CLCN6: variants seen among roughly 807,000 people sequenced by gnomAD.
CLCN6 encodes H(+)/Cl(-) exchange transporter 6.
CLCN6 carries 70 observed loss-of-function variants against 109.8 expected under a neutral mutation model. The ratio of observed to expected loss-of-function variants is 0.64; its 90% confidence interval spans 0.53 to 0.78. The LOEUF is 0.78. Among genes scored for constraint, CLCN6 ranks in the 30% least tolerant of loss-of-function variants. CLCN6 has a pLI of 0.00. For synonymous variants in CLCN6, 444 were observed against 447.8 expected (o/e 0.99, Z 0.11); for missense variants, 984 against 1,142.3 (o/e 0.86, Z 2.00).
At chr1:11,839,978 G>A (rs198410) in intron 22 of CLCN6, among the ~76,000 whole-genome samples, 165 bp from the exon 23 acceptor site, 152,341 of 152,380 alleles carry the variant, frequency 1, 76,151 homozygotes, top group Middle Eastern at 1. Flanking sequence ...TTGGCCTCCA[G>A]TGTGTGAGCC....
intron 5 of CLCN6, among the ~76,000 whole-genome samples, chr1:11,822,318 G>C (rs1467947951): frequency 2.0e-5 from 3 of 152,050 alleles, no homozygotes; most frequent in Admixed American, 6.6e-5. Context: ...GAATGCAGTG[G>C]TGCAATGACA....
At chr1:11,821,725 C>T (rs1220973726) in intron 5 of CLCN6, among the ~76,000 whole-genome samples, 1 of 152,148 alleles carries the variant, frequency 6.6e-6, no homozygotes, top group East Asian at 1.9e-4. Flanking sequence ...ATACATTCCT[C>T]TTAGAAATTT....
chr1:11,834,631 A>G lies in CLCN6; in HGVS notation c.1793+41A>G, dbSNP rs1287704006. On this transcript the variant is annotated intron_variant, in intron 17 of 22. Transcript: ENST00000346436. This position sits in a 1 kb window ranked among gnomAD's most constrained non-coding sequence, Gnocchi z 4.5. Reference sequence around the variant, plus strand: ...TGCTCATGTCCTAGTTTCAGAATGTATAAGCTCTGAGGCCTAAGGAATGTT... The same window carrying G: ...TGCTCATGTCCTAGTTTCAGAATGTGTAAGCTCTGAGGCCTAAGGAATGTT... 2 of 1,525,220 alleles carry G rather than the reference A, an allele frequency of 1.3e-6. No homozygotes were observed. The highest frequency in any genetic ancestry group is 3.4e-5 in the Admixed American group (2 of 59,430). The allele number at this position is 1,525,220 out of a possible 1,614,324, so 94.5% of individuals were successfully genotyped here.
At position 11,834,584 on chromosome 1, in the gene CLCN6, T is replaced by G. The variant is rs1485312217; in HGVS notation, c.1787T>G (p.Met596Arg). The change falls in exon 17 of 23, where the codon ATG (methionine) becomes AGG (arginine). Residue 596 changes from methionine (M) to arginine (R), a missense_variant. Met to Arg is a moderately conservative substitution (Grantham distance 91). Transcript: ENST00000346436. This position sits in a 1 kb window ranked among gnomAD's most constrained non-coding sequence, Gnocchi z 4.5. ...PLLEWETEVEMDKLRASDIME... is the reference protein window; with the variant it reads ...PLLEWETEVERDKLRASDIME... ...CTGGAATGGGAGACAGAGGTGGAAA[T>G]GGACAAGTAAGGCCATGATTTTGCT... The G allele has an allele frequency of 6.2e-7, 1 of 1,613,734 alleles. No individual in the cohort carries two copies. The highest frequency in any genetic ancestry group is 2.2e-5 in the East Asian group (1 of 44,876).
chr1:11,835,076 G>A (rs1379256385), intron 17 of CLCN6, among the ~76,000 whole-genome samples: 2 of 152,188 alleles, frequency 1.3e-5, no homozygotes, highest in Non-Finnish European at 2.9e-5. Flanking sequence ...GGGCTAACAC[G>A]GGGGCCAGCA....
In CLCN6 at chr1:11,828,647, C is replaced by T. The variant is rs115875677; in HGVS notation, c.1121+23C>T. 761 of 1,574,048 alleles carry T rather than the reference C, an allele frequency of 4.8e-4. 2 individuals are homozygous for T. The African/African-American group carries it at 9.1e-3, about 19-fold the overall frequency. On this transcript the variant is annotated intron_variant, in intron 12 of 22. Coordinates refer to ENST00000346436, the MANE Select transcript of CLCN6 (RefSeq NM_001286.5). ...CAGGTATCTGCACAGTCGCCTCCCC[C>T]CCGAGCCTGCTGCGGCTCCCTGAGC...
intron 2 of CLCN6, among the ~76,000 whole-genome samples, chr1:11,815,032 CAAAAA>C (rs35753548): frequency 2.4e-5 from 3 of 125,294 alleles, no homozygotes; most frequent in Non-Finnish European, 5.1e-5. Flanking sequence ...GACTCCGTCT[CAAAAA>C]AAAAAAAAAA....
intron 2 of CLCN6, among the ~76,000 whole-genome samples, chr1:11,814,375 G>A (rs190036907): frequency 4.6e-4 from 70 of 150,960 alleles, no homozygotes; most frequent in African/African-American, 1.6e-3. Flanking sequence ...CTAGCCTCCC[G>A]AGTAGCTGGG....
At position 11,834,048 on chromosome 1, in the gene CLCN6, GTGTGTGTGCGCATGTGCA is replaced by G; in HGVS notation, c.1526+28_1526+45del. On this transcript the variant is annotated intron_variant, in intron 15 of 22. Transcript: ENST00000346436. The surrounding 1 kb of genome is among the most constrained non-coding windows in gnomAD (Gnocchi z 4.5). ...CTAAAAAGGTACTCTGTGTGTGTGCGTGTGTGTGCGCATGTGCATGTGTGTGCACGTGTGCGTGTGTAT... is the reference window on the plus strand; with the variant it reads ...CTAAAAAGGTACTCTGTGTGTGTGCGTGTGTGTGCACGTGTGCGTGTGTAT... 2 of 1,612,340 alleles carry G rather than the reference GTGTGTGTGCGCATGTGCA, an allele frequency of 1.2e-6. No individual in the cohort carries two copies. Among genetic ancestry groups the G allele is most frequent in the South Asian group, 1.1e-5 (1 of 90,926 alleles).
chr1:11,807,082 C>A (rs757330818), intron 1 of CLCN6, 49 bp from the exon 2 acceptor site: 2 of 1,505,564 alleles, frequency 1.3e-6, no homozygotes, highest in South Asian at 1.1e-5. Flanking sequence ...CTGCCTCCTT[C>A]CACTCCTAAC....
intron 1 of CLCN6, 169 bp downstream of exon 1, chr1:11,806,518 T>C: frequency 1.9e-6 from 1 of 521,760 alleles, no homozygotes; most frequent in Non-Finnish European, 3.3e-6. Context: ...CGTGCCTAAG[T>C]CTGGGGTCTT....
intron 2 of CLCN6, among the ~76,000 whole-genome samples, chr1:11,808,869 T>A (rs1315794041): frequency 6.6e-6 from 1 of 152,024 alleles, no homozygotes; most frequent in South Asian, 2.1e-4. Context: ...TTCTTTTTTT[T>A]AAATTTGAGA....
intron 2 of CLCN6, among the ~76,000 whole-genome samples, chr1:11,809,365 C>G (rs1465146683): frequency 6.6e-6 from 1 of 152,146 alleles, no homozygotes; most frequent in African/African-American, 2.4e-5. Flanking sequence ...CCATTGACAC[C>G]CAGGCTCCCT....
rs963415814 is a variant in CLCN6 at position 11,828,340 on chromosome 1, A to G, written c.955-118A>G. ...CAACTTCCAGGGACACATCTCACCCATTAGCCTCTGCCGTGCGGGAAAGCA... is the reference window on the plus strand; with the variant it reads ...CAACTTCCAGGGACACATCTCACCCGTTAGCCTCTGCCGTGCGGGAAAGCA... On this transcript the variant is annotated intron_variant, in intron 11 of 22. Coordinates refer to ENST00000346436, the MANE Select transcript of CLCN6 (RefSeq NM_001286.5). 17 of 1,442,992 alleles carry G rather than the reference A, an allele frequency of 1.2e-5. No individual in the cohort carries two copies. In the African/African-American group the frequency reaches 2.1e-4, roughly 18 times the overall value. 89.4% of individuals were successfully genotyped at this position (1,442,992 alleles called of 1,614,324 possible). A position where few individuals can be genotyped will look rare whatever the true frequency, so the allele number is the denominator to read the frequency against.
intron 2 of CLCN6, among the ~76,000 whole-genome samples, chr1:11,814,876 C>CA: frequency 6.6e-6 from 1 of 151,796 alleles, no homozygotes; most frequent in Middle Eastern, 3.4e-3. Flanking sequence ...ACTAAAAATA[C>CA]AAAAAAATTA....
At chr1:11,826,394 G>A (rs1272049767) in intron 9 of CLCN6, among the ~76,000 whole-genome samples, 180 bp downstream of exon 9, 2 of 152,214 alleles carry the variant, frequency 1.3e-5, no homozygotes, top group Non-Finnish European at 2.9e-5. Context: ...GGCTGGCATC[G>A]TGACTTTTAT....
At chr1:11,811,787 G>T (rs1331510533) in intron 2 of CLCN6, among the ~76,000 whole-genome samples, 3 of 152,048 alleles carry the variant, frequency 2.0e-5, no homozygotes, top group African/African-American at 7.2e-5. Context: ...GGCAACCAGT[G>T]ATCTCCTTTC....
intron 8 of CLCN6, among the ~76,000 whole-genome samples, chr1:11,825,760 T>G (rs1254549078): frequency 1.3e-5 from 2 of 152,206 alleles, no homozygotes; most frequent in African/African-American, 4.8e-5. Context: ...GTAGCTGGGA[T>G]TACAGGCATA....
chr1:11,830,253 G>GC (rs1342196089), intron 13 of CLCN6: 2 of 152,164 alleles, frequency 1.3e-5, no homozygotes, highest in Non-Finnish European at 2.9e-5. Flanking sequence ...TGTGATTCCA[G>GC]CCCTTGGCTG....
Sources: allele counts gnomAD v4.1 joint callset (sites outside exome capture counted in the v4.1 genomes callset), GRCh38; gene constraint gnomAD v4.1.1; non-coding constraint Gnocchi (gnomAD v3.1); transcripts MANE v1.5; gene names NCBI Gene and HGNC (gene_info 2026-07-23, HGNC 2026-07-21).